KLF17: variants seen among roughly 807,000 people sequenced by gnomAD.
KLF17 encodes KLF transcription factor 17, also known as Krueppel-like factor 17.
KLF17 carries 31 observed loss-of-function variants against 34.2 expected under a neutral mutation model. That is an observed-to-expected ratio of 0.91 (90% CI 0.68 to 1.22). KLF17 has a LOEUF of 1.22. KLF17 is among the 50% of genes most tolerant of loss of function. The pLI, the probability that KLF17 is intolerant of heterozygous loss-of-function variation, is 0.00. For synonymous variants in KLF17, 179 were observed against 186.7 expected (o/e 0.96, Z 0.34); for missense variants, 478 against 505.2 (o/e 0.95, Z 0.52).
the KLF17 span, among the ~76,000 whole-genome samples, chr1:44,055,281 G>T: frequency 6.6e-6 from 1 of 152,074 alleles, no homozygotes; most frequent in African/African-American, 2.4e-5. Flanking sequence ...AAAAATACTG[G>T]GTTCTTAATG....
At chr1:44,076,887 T>C in the KLF17 span, 1 of 148,328 alleles carries the variant, frequency 6.7e-6, no homozygotes, top group Non-Finnish European at 1.5e-5. Flanking sequence ...ACTACCACCA[T>C]GCCTGGCCTT....
chr1:44,100,079 T>TGC, the KLF17 span, among the ~76,000 whole-genome samples: 1 of 138,552 alleles, frequency 7.2e-6, no homozygotes, highest in Non-Finnish European at 1.5e-5. Flanking sequence ...CTACTAAAAA[T>TGC]ACACACACAC....
the KLF17 span, among the ~76,000 whole-genome samples, chr1:44,068,002 G>T: frequency 2.6e-5 from 4 of 151,712 alleles, no homozygotes; most frequent in African/African-American, 7.3e-5. Context: ...AGAAGGACAG[G>T]AGAAGCCCTT....
At chr1:44,091,961 A>ACACTCTCTCTCT in the KLF17 span, among the ~76,000 whole-genome samples, 6 of 116,554 alleles carry the variant, frequency 5.1e-5, no homozygotes, top group African/African-American at 1.1e-4. Flanking sequence ...ACACACACAC[A>ACACTCTCTCTCT]CTCTCTCTCT....
chr1:44,087,767 TATACACACACACACAC>T, the KLF17 span, among the ~76,000 whole-genome samples: 1 of 53,438 alleles, frequency 1.9e-5, no homozygotes, highest in African/African-American at 6.7e-5. Context: ...TATATATATA[TATACACACACACACAC>T]ACACACACAC....
the KLF17 span, among the ~76,000 whole-genome samples, chr1:44,097,006 A>G: frequency 6.6e-6 from 1 of 152,196 alleles, no homozygotes; most frequent in Non-Finnish European, 1.5e-5. Context: ...ATTTTTGTAT[A>G]AGGTGTAACG....
chr1:44,103,485 C>T, the KLF17 span: 8 of 955,038 alleles, frequency 8.4e-6, no homozygotes, highest in African/African-American at 6.4e-5. Context: ...GCTCGTGAGG[C>T]CCCCATAGGC....
intron 3 of KLF17, among the ~76,000 whole-genome samples, chr1:44,131,206 C>T (rs776611483): frequency 5.0e-4 from 76 of 152,112 alleles, no homozygotes; most frequent in Non-Finnish European, 8.5e-4. Context: ...GAAGCCTACA[C>T]GGAGCTCTGG....
intron 1 of KLF17, among the ~76,000 whole-genome samples, chr1:44,127,693 T>TC (rs58784189): frequency 0.064 from 286 of 4,494 alleles, 4 homozygotes; most frequent in African/African-American, 0.089. Context: ...TTTCTTTCTT[T>TC]TTCTTTCTTT....
At chr1:44,086,903 A>G in the KLF17 span, among the ~76,000 whole-genome samples, 1 of 152,218 alleles carries the variant, frequency 6.6e-6, no homozygotes, top group South Asian at 2.1e-4. Flanking sequence ...AGAGGAGGAG[A>G]GTTAATGGAC....
the KLF17 span, among the ~76,000 whole-genome samples, chr1:44,072,333 C>A: frequency 6.9e-4 from 105 of 152,070 alleles, no homozygotes; most frequent in African/African-American, 2.4e-3. Flanking sequence ...AGTCTGGATT[C>A]AGGGGACTAA....
the KLF17 span, among the ~76,000 whole-genome samples, chr1:44,091,961 A>ACACACT: frequency 7.7e-5 from 9 of 116,554 alleles, no homozygotes; most frequent in Non-Finnish European, 1.3e-4. Flanking sequence ...ACACACACAC[A>ACACACT]CTCTCTCTCT....
chr1:44,061,700 T>C, the KLF17 span, among the ~76,000 whole-genome samples: 1 of 152,180 alleles, frequency 6.6e-6, no homozygotes, highest in South Asian at 2.1e-4. Context: ...GGCGGATCAC[T>C]TGAGGTAAGG....
At chr1:44,097,002 G>T in the KLF17 span, among the ~76,000 whole-genome samples, 1 of 152,130 alleles carries the variant, frequency 6.6e-6, no homozygotes, top group Non-Finnish European at 1.5e-5. Flanking sequence ...GTTAATTTTT[G>T]TATAAGGTGT....
chr1:44,102,205 T>A, the KLF17 span, among the ~76,000 whole-genome samples: 1 of 151,968 alleles, frequency 6.6e-6, no homozygotes, highest in East Asian at 1.9e-4. Context: ...TCAGAGTAGA[T>A]CAAAAAACAA....
At chr1:44,104,515 T>C in the KLF17 span, 2 of 732,746 alleles carry the variant, frequency 2.7e-6, no homozygotes, top group East Asian at 2.6e-5. Context: ...TGGGTGCGCA[T>C]GGCCTGGATG....
chr1:44,087,699 T>A, the KLF17 span, among the ~76,000 whole-genome samples: 1 of 142,006 alleles, frequency 7.0e-6, no homozygotes, highest in African/African-American at 2.6e-5. Flanking sequence ...TGCAGAGAGC[T>A]CTCTGGTGCC....
the KLF17 span, among the ~76,000 whole-genome samples, chr1:44,084,144 A>G: frequency 7.2e-5 from 11 of 152,352 alleles, no homozygotes; most frequent in African/African-American, 2.6e-4. Context: ...GTGCCTGTAC[A>G]CAATTCTTGA....
chr1:44,063,988 C>T, the KLF17 span, among the ~76,000 whole-genome samples: 2 of 152,062 alleles, frequency 1.3e-5, no homozygotes, highest in Admixed American at 6.6e-5. Context: ...AGCAGGACCA[C>T]GGGTCAGCAG....
Sources: gnomAD v4.1 joint callset for allele counts (sites outside exome capture counted in the v4.1 genomes callset) on GRCh38, gnomAD v4.1.1 for gene constraint, MANE v1.5 for transcripts, NCBI Gene and HGNC (gene_info 2026-07-23, HGNC 2026-07-21) for gene names.